Variants in ULK4 observed in about 807,000 individuals in gnomAD.
The protein encoded by ULK4 is inactive serine/threonine-protein kinase ULK4.
Under a neutral mutation model 160.6 loss-of-function variants are expected in ULK4, and 133 were observed. The observed-to-expected ratio is 0.83, with a 90% CI of 0.72 to 0.96. The LOEUF is 0.96. Ranked by LOEUF, ULK4 falls within the 40% of genes least tolerant of loss-of-function variation. ULK4 has a pLI of 0.00. For missense variants in ULK4, 1,580 were observed against 1,499.5 expected, an observed-to-expected ratio of 1.05 and a Z score of -0.89; for synonymous variants, 534 against 539.8, an observed-to-expected ratio of 0.99 and a Z score of 0.15.
intron 35 of ULK4, among the ~76,000 whole-genome samples, chr3:41,334,082 C>T (rs1261753818): frequency 1.3e-5 from 2 of 152,000 alleles, no homozygotes; most frequent in African/African-American, 2.4e-5. Flanking sequence ...ACACACACAC[C>T]GGCAAAACTG....
intron 17 of ULK4, among the ~76,000 whole-genome samples, chr3:41,837,114 T>C (rs1466518710): frequency 2.0e-5 from 3 of 152,198 alleles, no homozygotes; most frequent in African/African-American, 7.2e-5. Context: ...AAGCATGCAA[T>C]CACTGGTCTC....
chr3:41,628,043 G>A (rs954484617), intron 30 of ULK4, among the ~76,000 whole-genome samples: 1 of 152,190 alleles, frequency 6.6e-6, no homozygotes, highest in Non-Finnish European at 1.5e-5. Context: ...AGGATTTTAA[G>A]CAAAATGACA....
intron 30 of ULK4, among the ~76,000 whole-genome samples, chr3:41,657,360 A>G (rs2034975972): frequency 6.6e-6 from 1 of 152,222 alleles, no homozygotes; most frequent in Admixed American, 6.5e-5. Context: ...TAAACTCATA[A>G]TATATACAAA....
chr3:41,304,230 G>A lies in ULK4; in HGVS notation c.3679-54656C>T, dbSNP rs200188216. Among the ~76,000 whole-genome samples the A allele has an allele frequency of 1.4e-4, 19 of 135,658 alleles. No individual in the cohort carries two copies. In the East Asian group the frequency reaches 3.0e-3, roughly 22 times the overall value. The allele number at this position is 135,658 out of a possible 152,430, so 89.0% of individuals were successfully genotyped here. On this transcript the variant is annotated intron_variant, in intron 35 of 36. Transcript: ENST00000301831. Reference sequence around the variant, plus strand: ...GGAGGTTGCAGTGAGCCAAGATCGCGCCATTGCACTCCAGCCTGGACAATA... The same window carrying A: ...GGAGGTTGCAGTGAGCCAAGATCGCACCATTGCACTCCAGCCTGGACAATA...
chr3:41,822,234 T>C (rs2041169435), intron 18 of ULK4, among the ~76,000 whole-genome samples: 1 of 151,972 alleles, frequency 6.6e-6, no homozygotes, highest in African/African-American at 2.4e-5. Context: ...CTTCCTCACT[T>C]CTCTCCTGTC....
chr3:41,334,564 G>A (rs934325733), intron 35 of ULK4, among the ~76,000 whole-genome samples: 4 of 152,166 alleles, frequency 2.6e-5, no homozygotes, highest in East Asian at 1.9e-4. Context: ...CACAGGAAGC[G>A]ACACTCTGGT....
rs902993050 is a variant in ULK4, at chr3:41,667,966, C to T, written c.2979-4267G>A. ...TGTCAAGTGCCTGGTATAGACAGTG[C>T]CCAATTAGGTTATCTGGGAGAAAAC... On this transcript the variant is annotated intron_variant, in intron 29 of 36. Transcript: ENST00000301831. 6.6e-5 allele frequency among the ~76,000 whole-genome samples: 10 copies of T among 152,116 alleles called. 1 individual carries two copies. The highest frequency in any genetic ancestry group is 5.2e-4 in the Admixed American group (8 of 15,266).
chr3:41,611,021 T>C (rs1375582300), intron 31 of ULK4, among the ~76,000 whole-genome samples: 1 of 152,134 alleles, frequency 6.6e-6, no homozygotes, highest in Non-Finnish European at 1.5e-5. Flanking sequence ...CTTATACTCT[T>C]TTGAAAAAGT....
At chr3:41,637,364 G>A (rs1349780356) in intron 30 of ULK4, among the ~76,000 whole-genome samples, 2 of 152,148 alleles carry the variant, frequency 1.3e-5, no homozygotes, top group Non-Finnish European at 2.9e-5. Context: ...TGCCACCAAT[G>A]ACAGGATTTC....
intron 30 of ULK4, among the ~76,000 whole-genome samples, chr3:41,650,296 G>A (rs1247096623): frequency 1.3e-5 from 2 of 152,196 alleles, no homozygotes; most frequent in African/African-American, 4.8e-5. Flanking sequence ...AAACAGGGCT[G>A]AAACACACCC....
rs146881939 is a variant in ULK4, at chr3:41,695,027, G to A, written c.2781+10030C>T. 1.3e-3 allele frequency among the ~76,000 whole-genome samples: 199 copies of A among 152,282 alleles called. 1 individual carries two copies. Among genetic ancestry groups the A allele is most frequent in the African/African-American group, 4.5e-3 (187 of 41,546 alleles). Reference sequence around the variant, plus strand: ...AGGAGGCTGGGAAGTCCAAGATCACGGTGCCAGCAGGTTCAATGTCTTGTG... The same window carrying A: ...AGGAGGCTGGGAAGTCCAAGATCACAGTGCCAGCAGGTTCAATGTCTTGTG... On this transcript the variant is annotated intron_variant, in intron 27 of 36. Transcript: ENST00000301831.
At chr3:41,647,102 T>C (rs146242715) in intron 30 of ULK4, among the ~76,000 whole-genome samples, 6,250 of 152,296 alleles carry the variant, frequency 0.041, 416 homozygotes, top group African/African-American at 0.14. Flanking sequence ...GTCTAAATTT[T>C]TTTTAAAGTT....
At chr3:41,248,971 C>T (rs961017552) in intron 36 of ULK4, among the ~76,000 whole-genome samples, 5 of 152,228 alleles carry the variant, frequency 3.3e-5, no homozygotes, top group African/African-American at 1.2e-4. Context: ...GTGTCAAATA[C>T]GCAGTTCTGT....
Position 41,681,819 on chromosome 3 carries a change from GT to G in ULK4, c.2782-16del. On this transcript the variant is annotated splice_polypyrimidine_tract_variant and intron_variant, in intron 27 of 36. Coordinates refer to ENST00000301831, the MANE Select transcript of ULK4 (RefSeq NM_017886.4). ...TAGTCAACAACCTAAAAGAAAGCAT[GT>G]AAAAGACTCAGAATCTCTATGAACA... is the stretch of plus-strand genomic sequence containing the variant. 6.2e-7 allele frequency: 1 copy of G among 1,613,650 alleles called. No individual in the cohort carries two copies. Among genetic ancestry groups the G allele is most frequent in the South Asian group, 1.1e-5 (1 of 91,024 alleles).
intron 35 of ULK4, among the ~76,000 whole-genome samples, chr3:41,273,079 T>A (rs979991869): frequency 2.0e-5 from 3 of 152,224 alleles, no homozygotes; most frequent in African/African-American, 7.2e-5. Context: ...GCATGCCTTA[T>A]AATCTTTTAT....
chr3:41,687,974 G>GTACC (rs2125800793), intron 27 of ULK4: 2 of 152,336 alleles, frequency 1.3e-5, no homozygotes, highest in South Asian at 4.1e-4. Context: ...TTGAAGGGAG[G>GTACC]TGGACGCAAA....
intron 3 of ULK4, among the ~76,000 whole-genome samples, chr3:41,936,501 G>C (rs1295721806): frequency 6.6e-6 from 1 of 151,806 alleles, no homozygotes; most frequent in Non-Finnish European, 1.5e-5. Flanking sequence ...TTTTTTAAAG[G>C]GTCAAGATTA....
intron 32 of ULK4, among the ~76,000 whole-genome samples, chr3:41,561,033 G>T (rs1050679467): frequency 6.6e-6 from 1 of 152,124 alleles, no homozygotes; most frequent in African/African-American, 2.4e-5. Context: ...TTTGAGATAC[G>T]TTCCTTCAAT....
intron 35 of ULK4, among the ~76,000 whole-genome samples, chr3:41,306,709 G>A (rs1306298616): frequency 2.0e-5 from 3 of 152,076 alleles, no homozygotes; most frequent in Non-Finnish European, 4.4e-5. Flanking sequence ...TAGAAAAGGG[G>A]GAAAGGTGGG....
Sources: allele counts gnomAD v4.1 joint callset (sites outside exome capture counted in the v4.1 genomes callset), GRCh38; gene constraint gnomAD v4.1.1; transcripts MANE v1.5; gene names NCBI Gene and HGNC (gene_info 2026-07-23, HGNC 2026-07-21).